YJEFN3: variants seen among roughly 807,000 people sequenced by gnomAD.
YJEFN3 encodes YjeF N-terminal domain containing 3.
In YJEFN3, 29 loss-of-function variants were observed where a neutral mutation model predicts 31.5. The ratio of observed to expected loss-of-function variants is 0.92; its 90% CI spans 0.69 to 1.26. The LOEUF is 1.26. Among genes scored for constraint, YJEFN3 ranks in the 50% most tolerant of loss-of-function variants. YJEFN3 has a pLI of 0.00. For missense variants in YJEFN3, 442 were observed against 425.4 expected (o/e 1.04, Z -0.34); for synonymous variants, 227 against 196.1 (o/e 1.16, Z -1.32).
In YJEFN3 at chr19:19,537,581, C is replaced by T; in HGVS notation, c.*57C>T. The T allele has an allele frequency of 6.9e-7, 1 of 1,440,096 alleles. No homozygotes were observed. 89.2% of individuals were successfully genotyped at this position (1,440,096 alleles called of 1,614,324 possible). ...CGCCAATAAACAGCCCTCCCACCAC[C>T]GCCGCCTCGCCTCCGCCTCCTTTGT... On this transcript the variant is annotated 3_prime_UTR_variant, in exon 7 of 7. Transcript: ENST00000514277.
rs544009123 is a variant in YJEFN3, at chr19:19,535,849, G to A, written c.694+170G>A. ...ACCCATCCCTCTGATGGGGAAGATC[G>A]AGGCTGCCACCCCAGGTGACCCCAG... On this transcript the variant is annotated intron_variant, in intron 6 of 6. Transcript: ENST00000514277. 1,163 of 928,742 alleles carry A rather than the reference G, an allele frequency of 1.3e-3. 23 individuals carry two copies. The South Asian group carries it at 0.016, about 13-fold the overall frequency. 57.5% of individuals were successfully genotyped at this position (928,742 alleles called of 1,614,324 possible).
chr19:19,534,957 T>TC lies in YJEFN3; in HGVS notation c.319-75dup. 1 of 1,305,760 alleles carries TC rather than the reference T, an allele frequency of 7.7e-7. No individual in the cohort carries two copies. Among genetic ancestry groups the TC allele is most frequent in the African/African-American group, 1.5e-5 (1 of 67,654 alleles). The allele number at this position is 1,305,760 out of a possible 1,614,324, so 80.9% of individuals were successfully genotyped here. On this transcript the variant is annotated intron_variant, in intron 3 of 6. Transcript: ENST00000514277. The surrounding 1 kb of genome is among the most constrained non-coding windows in gnomAD (Gnocchi z 4.6). ...GCCCAAGCCCCATCCCTTCCCCTAC[T>TC]CCGGGCCTCAGTTTCCTCTCCAGGC...
chr19:19,529,093 C>T (rs990170473), intron 1 of YJEFN3, 102 bp downstream of exon 1: 4 of 1,503,014 alleles, frequency 2.7e-6, no homozygotes, highest in South Asian at 2.6e-5. Context: ...AGAATGGGGT[C>T]CGGGGACTGG....
chr19:19,529,237 C>T (rs1045418469), intron 1 of YJEFN3, 127 bp from the exon 2 acceptor site: 97 of 1,452,944 alleles, frequency 6.7e-5, no homozygotes, highest in Non-Finnish European at 8.7e-5. Context: ...GCTGGAGACA[C>T]TAAGCTGCGT....
chr19:19,536,934 C>A (rs1377023504), intron 6 of YJEFN3, among the ~76,000 whole-genome samples: 1 of 152,204 alleles, frequency 6.6e-6, no homozygotes, highest in Non-Finnish European at 1.5e-5. Context: ...TGCACCATTG[C>A]ACTCCAGCCT....
At chr19:19,533,960 CCTTTGGGG>C in intron 3 of YJEFN3, 1 of 985,550 alleles carries the variant, frequency 1.0e-6, no homozygotes, top group Non-Finnish European at 1.2e-6. Context: ...CTGCGCTAAG[CCTTTGGGG>C]AGGATACTTG....
rs942696337 is a variant in YJEFN3 at position 19,534,256 on chromosome 19, G to A, written c.319-778G>A. ...AGAGACAGCCAGAGACAAATGGAGA[G>A]AGAGACAAATGGAGAAAGAGAGCCA... On this transcript the variant is annotated intron_variant, in intron 3 of 6. Coordinates refer to ENST00000514277, the MANE Select transcript of YJEFN3 (RefSeq NM_198537.4). The surrounding 1 kb of genome is among the most constrained non-coding windows in gnomAD (Gnocchi z 4.6). 6.3e-6 allele frequency: 5 copies of A among 794,800 alleles called. No individual in the cohort carries two copies. In the African/African-American group the frequency reaches 9.0e-5, roughly 14 times the overall value. The allele number at this position is 794,800 out of a possible 1,614,324, so 49.2% of individuals were successfully genotyped here. A position where few individuals can be genotyped will look rare whatever the true frequency, so the allele number is the denominator to read the frequency against.
chr19:19,529,149 A>G, intron 1 of YJEFN3, 158 bp downstream of exon 1: 2 of 1,461,210 alleles, frequency 1.4e-6, no homozygotes, highest in Non-Finnish European at 1.8e-6. Context: ...AGGCATGACC[A>G]CGGTGGGGAA....
intron 3 of YJEFN3, chr19:19,532,987 G>A: frequency 7.8e-7 from 1 of 1,283,226 alleles, no homozygotes; most frequent in Non-Finnish European, 9.9e-7. Context: ...CCACGACCCT[G>A]GAAGTGCAAC....
In YJEFN3 at chr19:19,535,429, CCTGAGCTACCTGCCCA is replaced by C. The variant is rs2061198909; in HGVS notation, c.528_543del (p.Ser176ArgfsTer45). ...AGTGCGAGAAGATGGACATCCCCTTCCTGAGCTACCTGCCCACTGAGGTCAGCGCTGGGTGGCAAGC... is the reference window on the plus strand; with the variant it reads ...AGTGCGAGAAGATGGACATCCCCTTCCTGAGGTCAGCGCTGGGTGGCAAGC... On this transcript the variant is annotated frameshift_variant, in exon 5 of 7. Transcript: ENST00000514277. LOFTEE classifies it high-confidence loss of function. The C allele has an allele frequency of 6.2e-7, 1 of 1,613,908 alleles. No individual in the cohort carries two copies. The highest frequency in any genetic ancestry group is 1.3e-5 in the African/African-American group (1 of 74,934).
intron 3 of YJEFN3, chr19:19,533,214 C>T (rs1055582955): frequency 1.8e-5 from 18 of 991,620 alleles, no homozygotes; most frequent in Middle Eastern, 5.1e-4. Flanking sequence ...CCCCACACCT[C>T]GAGGGGCCAG....
At chr19:19,537,276 C>T (rs1244233924) in intron 6 of YJEFN3, 43 bp from the exon 7 acceptor site, 3 of 1,504,372 alleles carry the variant, frequency 2.0e-6, no homozygotes, top group Non-Finnish European at 1.8e-6. Context: ...TGAGGGCAGG[C>T]CACCCTCCCA....
In YJEFN3 at chr19:19,534,082, G is replaced by C; in HGVS notation, c.319-952G>C. ...AGGCGGTGGCACTGTCATCGCATTT[G>C]ATAAAGGCCAAACTGAGTCTGGGAG... On this transcript the variant is annotated intron_variant, in intron 3 of 6. Transcript: ENST00000514277. This position sits in a 1 kb window ranked among gnomAD's most constrained non-coding sequence, Gnocchi z 4.6. The C allele has an allele frequency of 1.0e-6, 1 of 985,624 alleles. No individual in the cohort carries two copies. Among genetic ancestry groups the C allele is most frequent in the Non-Finnish European group, 1.2e-6 (1 of 830,022 alleles). 61.1% of individuals were successfully genotyped at this position (985,624 alleles called of 1,614,324 possible). A position where few individuals can be genotyped will look rare whatever the true frequency, so the allele number is the denominator to read the frequency against.
intron 2 of YJEFN3, among the ~76,000 whole-genome samples, chr19:19,531,516 A>G (rs1335769066): frequency 4.6e-5 from 7 of 151,978 alleles, no homozygotes; most frequent in Non-Finnish European, 8.8e-5. Context: ...CCCAGATTGA[A>G]GTGATCCTCC....
Position 19,531,455 on chromosome 19 carries a change from G to A in YJEFN3, c.210-1177G>A, listed in dbSNP as rs577416433. On this transcript the variant is annotated intron_variant, in intron 2 of 6. Transcript: ENST00000514277. ...CTTAGAGACAAGGTCTTGTTCTGTCGCCCAGGCTAGAGTGCAGTGGCGTGA... is the reference window on the plus strand; with the variant it reads ...CTTAGAGACAAGGTCTTGTTCTGTCACCCAGGCTAGAGTGCAGTGGCGTGA... Among the ~76,000 whole-genome samples, 104 of 152,036 alleles carry A rather than the reference G, an allele frequency of 6.8e-4. 2 individuals are homozygous for A. In the South Asian group the frequency reaches 0.021, roughly 30 times the overall value.
At chr19:19,529,102 G>A in intron 1 of YJEFN3, 111 bp downstream of exon 1, 1 of 1,492,918 alleles carries the variant, frequency 6.7e-7, no homozygotes, top group Non-Finnish European at 8.9e-7. Flanking sequence ...TCCGGGGACT[G>A]GAGACGGGCA....
At chr19:19,535,269 G>C (rs2061196689) in intron 4 of YJEFN3, 68 bp from the exon 5 acceptor site, 1 of 1,545,318 alleles carries the variant, frequency 6.5e-7, no homozygotes, top group Admixed American at 1.7e-5. Flanking sequence ...CCCAGTGCTT[G>C]TCCCAGGCAG....
At position 19,528,921 on chromosome 19, in the gene YJEFN3, C is replaced by G; in HGVS notation, c.-12C>G. 6.5e-7 allele frequency: 1 copy of G among 1,547,666 alleles called. No individual in the cohort carries two copies. ...GTGGCGGCAGCGCCCGGCGCCCGGG[C>G]TCACCTCGGCCATGAGCAGCGCAGC... On this transcript the variant is annotated 5_prime_UTR_variant, in exon 1 of 7. Coordinates refer to ENST00000514277, the MANE Select transcript of YJEFN3 (RefSeq NM_198537.4).
chr19:19,529,310 C>A, intron 1 of YJEFN3, 54 bp from the exon 2 acceptor site: 1 of 1,558,638 alleles, frequency 6.4e-7, no homozygotes, highest in South Asian at 1.2e-5. Flanking sequence ...CAGCGCTGGT[C>A]GCTCCCCCAC....
Sources: allele counts gnomAD v4.1 joint callset (sites outside exome capture counted in the v4.1 genomes callset), GRCh38; gene constraint gnomAD v4.1.1; non-coding constraint Gnocchi (gnomAD v3.1); transcripts MANE v1.5; gene names NCBI Gene and HGNC (gene_info 2026-07-23, HGNC 2026-07-21).